SRGAP1: variants seen among roughly 807,000 people sequenced by gnomAD.
SRGAP1 encodes SLIT-ROBO Rho GTPase activating protein 1.
Under a neutral mutation model 121.9 loss-of-function variants are expected in SRGAP1, and 43 were observed. The ratio of observed to expected loss-of-function variants is 0.35; its 90% CI spans 0.28 to 0.46. SRGAP1 has a LOEUF of 0.46. SRGAP1 is among the 20% of genes least tolerant of loss of function. SRGAP1 has a pLI of 1.00. For missense variants in SRGAP1, 1,102 were observed against 1,350.9 expected (o/e 0.82, Z 2.89); for synonymous variants, 447 against 485.4 (o/e 0.92, Z 1.04).
At chr12:64,110,946 C>A (rs1447728667) in intron 16 of SRGAP1, among the ~76,000 whole-genome samples, 1 of 152,132 alleles carries the variant, frequency 6.6e-6, no homozygotes, top group East Asian at 1.9e-4. Flanking sequence ...CATATGTTCA[C>A]CTGGATTTTA....
chr12:63,878,739 A>G (rs1251376578), intron 1 of SRGAP1: 1 of 152,214 alleles, frequency 6.6e-6, no homozygotes, highest in Non-Finnish European at 1.5e-5. Context: ...CTGGCTTTAC[A>G]GTTGGATAGT....
At chr12:63,967,714 C>G (rs1217712587) in intron 1 of SRGAP1, among the ~76,000 whole-genome samples, 2 of 152,196 alleles carry the variant, frequency 1.3e-5, no homozygotes, top group African/African-American at 4.8e-5. Context: ...TTCTGTTTCT[C>G]TAGCATATGC....
chr12:64,127,165 C>T (rs190901000), intron 19 of SRGAP1, among the ~76,000 whole-genome samples: 3 of 152,312 alleles, frequency 2.0e-5, no homozygotes, highest in Middle Eastern at 3.4e-3. Context: ...GATGTTCCCA[C>T]AATGATGAGA....
chr12:64,035,757 A>G (rs933204424), intron 4 of SRGAP1, among the ~76,000 whole-genome samples: 4 of 152,196 alleles, frequency 2.6e-5, no homozygotes, highest in Non-Finnish European at 5.9e-5. Flanking sequence ...TGAAATAGCA[A>G]AAAGGCATCT....
chr12:63,949,011 TTC>T (rs2032169388), intron 1 of SRGAP1, among the ~76,000 whole-genome samples: 1 of 135,950 alleles, frequency 7.4e-6, no homozygotes, highest in Admixed American at 7.4e-5. Flanking sequence ...CATATATATA[TTC>T]ATATATGTAT....
At chr12:63,982,243 A>G (rs1191058475) in intron 1 of SRGAP1, among the ~76,000 whole-genome samples, 2 of 151,578 alleles carry the variant, frequency 1.3e-5, no homozygotes, top group African/African-American at 2.4e-5. Context: ...CAAAAAAAAG[A>G]AAGAAAAAAA....
At chr12:63,874,499 G>A (rs907981715) in intron 1 of SRGAP1, among the ~76,000 whole-genome samples, 2 of 152,076 alleles carry the variant, frequency 1.3e-5, no homozygotes, top group South Asian at 2.1e-4. Flanking sequence ...AACCACGCCC[G>A]GCCGAAAGTG....
intron 8 of SRGAP1, among the ~76,000 whole-genome samples, chr12:64,078,412 T>A (rs892207783): frequency 2.0e-5 from 3 of 152,184 alleles, no homozygotes; most frequent in African/African-American, 7.2e-5. Context: ...ATTTCATTCA[T>A]GTAAAGAGCA....
chr12:64,085,486 A>G (rs951985447), intron 10 of SRGAP1, among the ~76,000 whole-genome samples: 3 of 152,142 alleles, frequency 2.0e-5, no homozygotes, highest in Admixed American at 6.5e-5. Flanking sequence ...CGTGGCTCGT[A>G]TGGACCCAAC....
At chr12:63,990,539 CAAAAA>C (rs975775006) in intron 3 of SRGAP1, among the ~76,000 whole-genome samples, 1 of 150,364 alleles carries the variant, frequency 6.7e-6, no homozygotes, top group Non-Finnish European at 1.5e-5. Flanking sequence ...CTCAAACAAA[CAAAAA>C]AAAGAGTTAA....
At chr12:63,990,616 A>T (rs1442332313) in intron 3 of SRGAP1, among the ~76,000 whole-genome samples, 3 of 152,218 alleles carry the variant, frequency 2.0e-5, no homozygotes, top group African/African-American at 7.2e-5. Context: ...AGGCATACTT[A>T]TAGAGTTATA....
chr12:64,004,445 C>T (rs2034013270), intron 3 of SRGAP1, among the ~76,000 whole-genome samples: 1 of 152,118 alleles, frequency 6.6e-6, no homozygotes, highest in African/African-American at 2.4e-5. Flanking sequence ...GGTCTCAGCT[C>T]ACTGCAACTT....
chr12:63,875,187 T>C (rs1452698425), intron 1 of SRGAP1, among the ~76,000 whole-genome samples: 1 of 152,212 alleles, frequency 6.6e-6, no homozygotes, highest in Admixed American at 6.5e-5. Flanking sequence ...GTGTTGGATA[T>C]TACAGTCATG....
intron 4 of SRGAP1, among the ~76,000 whole-genome samples, chr12:64,037,291 T>C (rs1182699402): frequency 1.3e-5 from 2 of 152,166 alleles, no homozygotes; most frequent in Admixed American, 6.5e-5. Flanking sequence ...CTGATAGCAT[T>C]GAACTCCATG....
At chr12:63,999,728 G>A (rs2033821799) in intron 3 of SRGAP1, among the ~76,000 whole-genome samples, 1 of 152,124 alleles carries the variant, frequency 6.6e-6, no homozygotes, top group South Asian at 2.1e-4. Flanking sequence ...GGATAACTGG[G>A]TAGAGAAGCC....
At chr12:63,906,529 G>A (rs1221487112) in intron 1 of SRGAP1, among the ~76,000 whole-genome samples, 1 of 152,002 alleles carries the variant, frequency 6.6e-6, no homozygotes, top group Non-Finnish European at 1.5e-5. Flanking sequence ...TAGCCAGGAT[G>A]GTCTCAATCT....
At chr12:63,979,743 C>A (rs751626955) in intron 1 of SRGAP1, among the ~76,000 whole-genome samples, 8 of 152,092 alleles carry the variant, frequency 5.3e-5, no homozygotes, top group Admixed American at 2.0e-4. Flanking sequence ...TTCACCTAAA[C>A]TAAAATGAAC....
At chr12:64,008,737 A>C (rs1193192913) in intron 3 of SRGAP1, among the ~76,000 whole-genome samples, 1 of 152,170 alleles carries the variant, frequency 6.6e-6, no homozygotes, top group African/African-American at 2.4e-5. Context: ...TGCGTGACTG[A>C]GTATGTGAAT....
chr12:63,961,652 C>T (rs2032647459), intron 1 of SRGAP1, among the ~76,000 whole-genome samples: 1 of 152,174 alleles, frequency 6.6e-6, no homozygotes. Flanking sequence ...AGGTGCATAG[C>T]ATTGTTGAAT....
Sources: allele counts gnomAD v4.1 joint callset (sites outside exome capture counted in the v4.1 genomes callset), GRCh38; gene constraint gnomAD v4.1.1; transcripts MANE v1.5; gene names NCBI Gene and HGNC (gene_info 2026-07-23, HGNC 2026-07-21).